The following PIM2 variants were observed in gnomAD, a reference collection of about 807,000 sequenced individuals.
PIM2 encodes the protein Pim-2 proto-oncogene, serine/threonine kinase.
Under a neutral mutation model 18.0 loss-of-function variants are expected in PIM2, and 3 were observed. The ratio of observed to expected loss-of-function variants is 0.17; its 90% confidence interval spans 0.08 to 0.43. The LOEUF (loss-of-function observed/expected upper bound fraction) is 0.43. Among genes scored for constraint, PIM2 ranks in the 20% least tolerant of loss-of-function variants. The probability of loss-of-function intolerance (pLI) is 0.99; values close to 1 mark genes in which losing one functional copy is unlikely to be tolerated. For synonymous variants in PIM2, 117 were observed against 105.3 expected (o/e 1.11, Z -0.68); for missense variants, 181 against 260.8 (o/e 0.69, Z 2.11).
Position 48,918,566 on chromosome X carries a change from G to A in PIM2, c.141C>T (p.Phe47=). The part of the protein sequence containing the change: ...LLGKGGFGTV[F]AGHRLTDRLQ... ...GTCGATCTGTGAGGCGGTGTCCTGC[G>A]AAGACGGTGCCAAAGCCCCCCTTAC... is the stretch of plus-strand genomic sequence containing the variant. The change falls in exon 2 of 6, where the codon TTC becomes TTT. Residue 47 remains phenylalanine, a synonymous_variant. Transcript: ENST00000376509. 1 of 1,206,753 alleles carries A rather than the reference G, an allele frequency of 8.3e-7. No homozygotes were observed. Among genetic ancestry groups the A allele is most frequent in the South Asian group, 1.8e-5 (1 of 56,717 alleles).
chrX:48,918,956 G>C lies in PIM2; in HGVS notation c.-122C>G. The C allele has an allele frequency of 3.4e-6, 2 of 586,839 alleles. No individual in the cohort carries two copies. Among genetic ancestry groups the C allele is most frequent in the Non-Finnish European group, 5.3e-6 (2 of 375,396 alleles). 48.4% of individuals were successfully genotyped at this position (586,839 alleles called of 1,213,427 possible). ...CGCCAGGGTGGAAAGCAGAGAAACT[G>C]GTGGCCCGGAAGCGCCCGCAGACGG... On this transcript the variant is annotated 5_prime_UTR_variant, in exon 1 of 6. Transcript: ENST00000376509.
In PIM2 at chrX:48,918,763, G is replaced by C. The variant is rs367761420; in HGVS notation, c.61+11C>G. Reference sequence around the variant, plus strand: ...ACCCCGTCTGGTTGCAGTAGGGGAGGATGTACTCACCTGGCGGCGGCGTGG... The same window carrying C: ...ACCCCGTCTGGTTGCAGTAGGGGAGCATGTACTCACCTGGCGGCGGCGTGG... On this transcript the variant is annotated intron_variant, in intron 1 of 5. Transcript: ENST00000376509. 3.4e-6 allele frequency: 4 copies of C among 1,188,569 alleles called. No homozygotes were observed. The African/African-American group carries it at 7.0e-5, about 21-fold the overall frequency.
rs781934627 is a variant in PIM2 at position 48,915,213 on chromosome X, T to C, written c.402A>G (p.Pro134=). Residue 134 remains proline, a synonymous_variant, in exon 4 of 6, where the codon CCA becomes CCG. Coordinates refer to ENST00000376509, the MANE Select transcript of PIM2 (RefSeq NM_006875.4). ...DLFDYITEKG[P]LGEGPSRCFF... Reference sequence around the variant, plus strand: ...AGCAGCGGCTTGGGCCTTCACCCAGTGGGCCCTTCTCTGTGATATAGTCAA... The same window carrying C: ...AGCAGCGGCTTGGGCCTTCACCCAGCGGGCCCTTCTCTGTGATATAGTCAA... The C allele has an allele frequency of 8.3e-7, 1 of 1,210,752 alleles. No homozygotes were observed. The highest frequency in any genetic ancestry group is 1.8e-5 in the South Asian group (1 of 56,918).
chrX:48,915,105 C>G lies in PIM2; in HGVS notation c.510G>C (p.Leu170=). The part of the protein sequence containing the change: ...VHRDIKDENI[L]IDLRRGCAKL... ...TGGCACAGCCACGGCGTAGGTCTATCAGGATGTTCTCATCCTTGATGTCAC... is the reference window on the plus strand; with the variant it reads ...TGGCACAGCCACGGCGTAGGTCTATGAGGATGTTCTCATCCTTGATGTCAC... The change falls in exon 4 of 6, where the codon CTG becomes CTC. Residue 170 remains leucine (L), a synonymous_variant. Coordinates refer to ENST00000376509, the MANE Select transcript of PIM2 (RefSeq NM_006875.4). 8.3e-7 allele frequency: 1 copy of G among 1,210,769 alleles called. No homozygotes were observed. The highest frequency in any genetic ancestry group is 1.1e-6 in the Non-Finnish European group (1 of 894,282).
chrX:48,916,960 G>A (rs937277264), intron 3 of PIM2, among the ~76,000 whole-genome samples: 5 of 110,228 alleles, frequency 4.5e-5, no homozygotes, highest in Non-Finnish European at 7.6e-5. Context: ...TTCAAAACCC[G>A]CCTGGCCAAC....
At position 48,917,813 on chromosome X, in the gene PIM2, G is replaced by C; in HGVS notation, c.190C>G (p.Pro64Ala). 1 of 1,202,724 alleles carries C rather than the reference G, an allele frequency of 8.3e-7. No individual in the cohort carries two copies. ...GACCAGCCCAGCACACGATTCCGGG[G>C]AATCACTTTGATGGCCACCTGGAGA... ...DRLQVAIKVI[P>A]RNRVLGWSPL... The change falls in exon 3 of 6, where the codon CCC (proline) becomes GCC (alanine). Residue 64 changes from proline to alanine, a missense_variant. Physicochemically the swap from Pro to Ala is conservative, Grantham distance 27. Coordinates refer to ENST00000376509, the MANE Select transcript of PIM2 (RefSeq NM_006875.4).
intron 3 of PIM2, among the ~76,000 whole-genome samples, chrX:48,917,485 C>T (rs1203613973): frequency 8.8e-6 from 1 of 113,272 alleles, no homozygotes; most frequent in Non-Finnish European, 1.9e-5. Flanking sequence ...GAAGCAGCCA[C>T]CATCACCATG....
chrX:48,914,644 G>T, intron 4 of PIM2, 73 bp from the exon 5 acceptor site: 1 of 935,563 alleles, frequency 1.1e-6, no homozygotes, highest in Non-Finnish European at 1.5e-6. Flanking sequence ...CTCCAGGAAG[G>T]ATGGCCTCAC....
In PIM2 at chrX:48,918,662, G is replaced by A. The variant is rs782806614; in HGVS notation, c.62-17C>T. ...CCTTGCCTCCTACGCAGGCGGAGGC[G>A]AGGAAGTCAGGGTGGCGGCGTGCTG... On this transcript the variant is annotated splice_polypyrimidine_tract_variant and intron_variant, in intron 1 of 5. Coordinates refer to ENST00000376509, the MANE Select transcript of PIM2 (RefSeq NM_006875.4). The A allele has an allele frequency of 6.0e-6, 7 of 1,158,122 alleles. No individual in the cohort carries two copies. The highest frequency in any genetic ancestry group is 7.1e-6 in the Non-Finnish European group (6 of 850,986).
rs2063559088 is a variant in PIM2, at chrX:48,915,036, G to A, written c.579C>T (p.Pro193=). The A allele has an allele frequency of 3.3e-6, 4 of 1,204,123 alleles. No individual in the cohort carries two copies. The highest frequency in any genetic ancestry group is 4.5e-6 in the Non-Finnish European group (4 of 890,713). Residue 193 remains proline, a synonymous_variant, in exon 4 of 6, where the codon CCC becomes CCT. Transcript: ENST00000376509. ...FGSGALLHDE[P]YTDFDGTRVY... is the part of the protein sequence containing the mutation. ...AAGCCTTACCATCAAAGTCAGTGTA[G>A]GGTTCATCATGAAGCAGGGCACCAG...
intron 3 of PIM2, among the ~76,000 whole-genome samples, 196 bp downstream of exon 3, chrX:48,917,585 G>C (rs1423710190): frequency 8.8e-6 from 1 of 113,161 alleles, no homozygotes; most frequent in Non-Finnish European, 1.9e-5. Flanking sequence ...GTAAAGGTTT[G>C]TTGGAGGGGA....
chrX:48,916,132 G>A (rs782615021), intron 3 of PIM2, among the ~76,000 whole-genome samples: 2 of 112,753 alleles, frequency 1.8e-5, no homozygotes, highest in African/African-American at 6.4e-5. Context: ...GTTCACGGAC[G>A]TATATGAAGC....
chrX:48,918,361 C>T (rs923219751), intron 2 of PIM2, among the ~76,000 whole-genome samples, 175 bp downstream of exon 2: 3 of 90,541 alleles, frequency 3.3e-5, no homozygotes, highest in Non-Finnish European at 6.6e-5. Flanking sequence ...ACACACCTGG[C>T]CCTCTACACA....
At chrX:48,915,601 A>G (rs1363014398) in intron 3 of PIM2, 8 of 411,163 alleles carry the variant, frequency 1.9e-5, no homozygotes, top group Admixed American at 1.4e-4. Context: ...AAGAGCCTGC[A>G]CAAATCTCGC....
At chrX:48,915,485 G>T in intron 3 of PIM2, 93 bp from the exon 4 acceptor site, 1 of 912,574 alleles carries the variant, frequency 1.1e-6, no homozygotes, top group South Asian at 2.6e-5. Context: ...TCAACTCAGG[G>T]CCCCTTTTCC....
chrX:48,915,751 A>G, intron 3 of PIM2: 1 of 155,128 alleles, frequency 6.4e-6, no homozygotes, highest in South Asian at 1.5e-4. Flanking sequence ...GCCTGGGCAA[A>G]ATGGCACAAA....
At chrX:48,918,297 T>G (rs868985545) in intron 2 of PIM2, among the ~76,000 whole-genome samples, 4 of 7,083 alleles carry the variant, frequency 5.6e-4, no homozygotes, top group African/African-American at 1.7e-3. Context: ...TGAAGCCCCC[T>G]GCCCCCCCCC....
intron 2 of PIM2, among the ~76,000 whole-genome samples, 182 bp downstream of exon 2, chrX:48,918,354 C>T (rs1222439357): frequency 1.1e-5 from 1 of 90,155 alleles, no homozygotes; most frequent in Admixed American, 1.3e-4. Context: ...CACGCACACA[C>T]ACCTGGCCCT....
chrX:48,916,227 C>A (rs1261490863), intron 3 of PIM2, among the ~76,000 whole-genome samples: 1 of 112,830 alleles, frequency 8.9e-6, no homozygotes, highest in Non-Finnish European at 1.9e-5. Flanking sequence ...GGACCTAGCA[C>A]AAAATGAGCT....
Sources: allele counts gnomAD v4.1 joint callset (sites outside exome capture counted in the v4.1 genomes callset), GRCh38; gene constraint gnomAD v4.1.1; transcripts MANE v1.5; gene names NCBI Gene and HGNC (gene_info 2026-07-23, HGNC 2026-07-21).